SPDYE10: variants seen among roughly 807,000 people sequenced by gnomAD.
SPDYE10 encodes the protein speedy/RINGO cell cycle regulator family member E10, also known as speedy protein E10.
At chr7:73,123,786 T>C in the SPDYE10 span, among the ~76,000 whole-genome samples, 5,397 of 133,352 alleles carry the variant, frequency 0.04, 9 homozygotes, top group African/African-American at 0.047. Flanking sequence ...TCTCTCTCTC[T>C]CCCTCTCTCT....
At chr7:73,115,736 C>T in the SPDYE10 span, among the ~76,000 whole-genome samples, 3 of 27,330 alleles carry the variant, frequency 1.1e-4, no homozygotes, top group African/African-American at 8.8e-4. Context: ...CGGTGGCTGA[C>T]GCCTGTAATC....
the SPDYE10 span, among the ~76,000 whole-genome samples, chr7:73,115,380 G>A: frequency 7.9e-5 from 12 of 151,846 alleles, no homozygotes; most frequent in Non-Finnish European, 1.3e-4. Context: ...GTAGAGGAGC[G>A]GAGAGGGAGA....
the SPDYE10 span, among the ~76,000 whole-genome samples, chr7:73,114,951 G>A: frequency 6.8e-6 from 1 of 146,578 alleles, no homozygotes; most frequent in East Asian, 2.1e-4. Flanking sequence ...CTGTCATCCA[G>A]GCTGGAGTGC....
chr7:73,130,329 G>C, the SPDYE10 span, among the ~76,000 whole-genome samples: 1 of 151,850 alleles, frequency 6.6e-6, no homozygotes, highest in Non-Finnish European at 1.5e-5. Flanking sequence ...CCATGTATGT[G>C]TTGGTTTATG....
At chr7:73,123,935 G>T in the SPDYE10 span, among the ~76,000 whole-genome samples, 171 of 151,134 alleles carry the variant, frequency 1.1e-3, no homozygotes, top group Non-Finnish European at 1.7e-3. Flanking sequence ...TTTTTGTGGG[G>T]TTTTTTTGTT....
chr7:73,142,989 A>G, the SPDYE10 span, among the ~76,000 whole-genome samples: 3 of 116,974 alleles, frequency 2.6e-5, no homozygotes, highest in African/African-American at 1.1e-4. Flanking sequence ...GGAGGAAGGA[A>G]GGAAGGAAGG....
At chr7:73,154,780 T>A in the SPDYE10 span, among the ~76,000 whole-genome samples, 1 of 151,234 alleles carries the variant, frequency 6.6e-6, no homozygotes, top group Non-Finnish European at 1.5e-5. Flanking sequence ...TGCCGGTAGC[T>A]CCGGCCGCCC....
chr7:73,123,788 C>CTCTCTCTCTCT, the SPDYE10 span, among the ~76,000 whole-genome samples: 60 of 97,474 alleles, frequency 6.2e-4, no homozygotes, highest in South Asian at 1.2e-3. Context: ...TCTCTCTCTC[C>CTCTCTCTCTCT]CTCTCTCTCT....
chr7:73,143,676 A>G, the SPDYE10 span, among the ~76,000 whole-genome samples: 1 of 152,152 alleles, frequency 6.6e-6, no homozygotes, highest in Non-Finnish European at 1.5e-5. Context: ...AATACCATGC[A>G]GGTGACATCC....
At chr7:73,151,723 G>A in the SPDYE10 span, among the ~76,000 whole-genome samples, 13 of 70,848 alleles carry the variant, frequency 1.8e-4, no homozygotes, top group African/African-American at 9.8e-4. Flanking sequence ...TTGCTATGTT[G>A]CCCAGGCTGG....
chr7:73,149,380 T>C, the SPDYE10 span, among the ~76,000 whole-genome samples: 156 of 143,826 alleles, frequency 1.1e-3, no homozygotes, highest in Middle Eastern at 0.011. Flanking sequence ...CTCCACCTCC[T>C]GGGTTCATGC....
the SPDYE10 span, among the ~76,000 whole-genome samples, chr7:73,113,962 C>T: frequency 6.6e-6 from 1 of 150,756 alleles, no homozygotes; most frequent in East Asian, 1.9e-4. Context: ...GGAGGCGGCA[C>T]TTGCAGTGAG....
chr7:73,147,702 C>G, the SPDYE10 span, among the ~76,000 whole-genome samples: 1 of 151,606 alleles, frequency 6.6e-6, no homozygotes, highest in Admixed American at 6.5e-5. Context: ...ACCACGTGGA[C>G]CAGGCTGGTC....
At chr7:73,132,734 G>A in the SPDYE10 span, among the ~76,000 whole-genome samples, 15 of 151,422 alleles carry the variant, frequency 9.9e-5, no homozygotes, top group Admixed American at 6.0e-4. Flanking sequence ...TGAGAGTGGC[G>A]TAAAACACTT....
the SPDYE10 span, among the ~76,000 whole-genome samples, chr7:73,149,005 G>T: frequency 6.6e-6 from 1 of 150,414 alleles, no homozygotes; most frequent in Non-Finnish European, 1.5e-5. Flanking sequence ...GTCAGAGGCA[G>T]GTTCTCACTC....
At chr7:73,108,256 A>AGAG in the SPDYE10 span, among the ~76,000 whole-genome samples, 1 of 268 alleles carries the variant, frequency 3.7e-3, no homozygotes, top group Non-Finnish European at 8.6e-3. Flanking sequence ...AAGGAGAGAG[A>AGAG]ACAACCGGAA....
the SPDYE10 span, among the ~76,000 whole-genome samples, chr7:73,139,749 TG>T: frequency 7.3e-6 from 1 of 137,386 alleles, no homozygotes; most frequent in Non-Finnish European, 1.6e-5. Context: ...CTCCATCTCC[TG>T]GGTTCACGCC....
chr7:73,135,488 G>T, the SPDYE10 span, among the ~76,000 whole-genome samples: 1 of 144,312 alleles, frequency 6.9e-6, no homozygotes, highest in Admixed American at 7.0e-5. Flanking sequence ...GAAGAGCATT[G>T]AGGCTTTCCT....
chr7:73,139,624 T>A, the SPDYE10 span, among the ~76,000 whole-genome samples: 1 of 150,662 alleles, frequency 6.6e-6, no homozygotes, highest in African/African-American at 2.5e-5. Flanking sequence ...CCCCCTGGCC[T>A]TTTTTTGTTT....
Sources: allele counts gnomAD v4.1 joint callset (sites outside exome capture counted in the v4.1 genomes callset), GRCh38; gene constraint gnomAD v4.1.1; transcripts MANE v1.5; gene names NCBI Gene and HGNC (gene_info 2026-07-23, HGNC 2026-07-21).